The following SHC1 variants were observed in gnomAD, a reference collection of about 807,000 sequenced individuals.
SHC1 encodes the protein SHC-transforming protein 1.
Under a neutral mutation model 55.9 loss-of-function variants are expected in SHC1, and 30 were observed. The observed-to-expected ratio is 0.54, with a 90% CI of 0.40 to 0.73. The LOEUF (loss-of-function observed/expected upper bound fraction) is 0.73. SHC1 is among the 30% of genes least tolerant of loss of function. The pLI is 0.00. For synonymous variants in SHC1, 309 were observed against 306.1 expected (o/e 1.01, Z -0.10); for missense variants, 675 against 777.1 (o/e 0.87, Z 1.56).
rs751693826 is a variant in SHC1, at chr1:154,969,466, A to G, written c.496-18T>C. 6.3e-7 allele frequency: 1 copy of G among 1,583,022 alleles called. No homozygotes were observed. The highest frequency in any genetic ancestry group is 1.1e-5 in the South Asian group (1 of 89,592). ...CCCATGTACTAAGGGGAGGGAGAAG[A>G]GGACAGCAGGTCAGCGGCTCCCCCA... On this transcript the variant is annotated intron_variant, in intron 1 of 11. Coordinates refer to ENST00000448116, the MANE Select transcript of SHC1 (RefSeq NM_001130040.2).
At chr1:154,968,088 C>T (rs1571440171) in intron 5 of SHC1, 57 bp from the exon 6 acceptor site, 1 of 1,602,694 alleles carries the variant, frequency 6.2e-7, no homozygotes. Context: ...CCCCTAAAAC[C>T]CAGTCCTTTT....
chr1:154,965,680 G>A lies in SHC1; in HGVS notation c.1489C>T (p.Arg497Trp), dbSNP rs1399934813. Reference protein sequence around the residue: ...EPWFHGKLSRREAEALLQLNG... With the variant: ...EPWFHGKLSRWEAEALLQLNG... ...AGCTGCAGCAGTGCCTCAGCCTCCC[G>A]CCGGCTCAGCTTCCCATGGAACCAG... The change falls in exon 11 of 12, where the codon CGG becomes TGG. Residue 497 changes from arginine (R) to tryptophan (W), a missense_variant. Arg to Trp is a moderately radical substitution (Grantham distance 101). This residue lies in a region of SHC1 where 360 missense variants were observed against 371.1 expected (regional missense o/e 0.97). Coordinates refer to ENST00000448116, the MANE Select transcript of SHC1 (RefSeq NM_001130040.2). 1.2e-5 allele frequency: 19 copies of A among 1,614,016 alleles called. No individual in the cohort carries two copies. The highest frequency in any genetic ancestry group is 4.5e-5 in the East Asian group (2 of 44,896).
intron 2 of SHC1, 113 bp downstream of exon 2, chr1:154,969,265 A>G: frequency 1.4e-6 from 1 of 732,236 alleles, no homozygotes; most frequent in East Asian, 2.7e-5. Context: ...AATCCCCTTT[A>G]CTACGCAAAG....
At chr1:154,967,598 A>C (rs1656167295) in intron 7 of SHC1, 73 bp downstream of exon 7, 1 of 1,523,648 alleles carries the variant, frequency 6.6e-7, no homozygotes. Context: ...CTCTCAACTC[A>C]AGTGTAGGAA....
intron 5 of SHC1, 55 bp downstream of exon 5, chr1:154,968,149 C>G: frequency 6.3e-7 from 1 of 1,595,112 alleles, no homozygotes; most frequent in Non-Finnish European, 8.6e-7. Context: ...AATGTCTTCC[C>G]AATCCCTAGC....
In SHC1 at chr1:154,967,697, T is replaced by G; in HGVS notation, c.957A>C (p.Pro319=). The change falls in exon 7 of 12, where the codon CCA becomes CCC. Residue 319 remains proline, a synonymous_variant. Transcript: ENST00000448116. ...ELRFKQYLRN[P]PKLVTPHDRM... ...TGTCATGAGGGGTGACCAGTTTGGG[T>G]GGGTTCCTGAGGTATTGTTTGAAGC... is the stretch of plus-strand genomic sequence containing the variant. The G allele has an allele frequency of 6.2e-7, 1 of 1,613,452 alleles. No homozygotes were observed. The highest frequency in any genetic ancestry group is 8.5e-7 in the Non-Finnish European group (1 of 1,179,784).
Position 154,965,791 on chromosome 1 carries a change from T to C in SHC1, c.1388-10A>G, listed in dbSNP as rs745400947. On this transcript the variant is annotated splice_polypyrimidine_tract_variant and intron_variant, in intron 10 of 11. Transcript: ENST00000448116. ...GCATCTTCGAAGGGCTCTGGAAGTA[T>C]AGAGGGAGGGTGAGGGGAAGTAGCA... The C allele has an allele frequency of 5.0e-6, 8 of 1,605,836 alleles. No individual in the cohort carries two copies. The Admixed American group carries it at 6.7e-5, about 13-fold the overall frequency.
In SHC1 at chr1:154,970,502, T is replaced by C; in HGVS notation, c.25A>G (p.Lys9Glu). MDLLPPKP[K>E]YNPLRNESLS... is the part of the protein sequence containing the mutation. ...GACTCATTCCGGAGTGGATTGTACT[T>C]GGGCTTGGGGGGCAGGAGATCCATA... is the stretch of plus-strand genomic sequence containing the variant. Residue 9 changes from lysine to glutamate, a missense_variant, in exon 1 of 12, where the codon AAG becomes GAG. Physicochemically the swap from Lys to Glu is moderately conservative, Grantham distance 56. This residue lies in a region of SHC1 where 156 missense variants were observed against 159.1 expected (regional missense o/e 0.98). Coordinates refer to ENST00000448116, the MANE Select transcript of SHC1 (RefSeq NM_001130040.2). The surrounding 1 kb of genome is among the most constrained non-coding windows in gnomAD (Gnocchi z 5.5). The C allele has an allele frequency of 6.2e-7, 1 of 1,610,794 alleles. No homozygotes were observed. Among genetic ancestry groups the C allele is most frequent in the Non-Finnish European group, 8.5e-7 (1 of 1,178,958 alleles).
Position 154,962,539 on chromosome 1 carries a change from T to C in SHC1, c.*1264A>G, listed in dbSNP as rs1242464909. Reference sequence around the variant, plus strand: ...TTCCCCTCCATGAAACTGACAGGCATTCGGGCTGACTTCTGCCTCTCAGTC... The same window carrying C: ...TTCCCCTCCATGAAACTGACAGGCACTCGGGCTGACTTCTGCCTCTCAGTC... On this transcript the variant is annotated 3_prime_UTR_variant, in exon 12 of 12. Transcript: ENST00000448116. 6.6e-6 allele frequency: 1 copy of C among 152,384 alleles called. No individual in the cohort carries two copies. The highest frequency in any genetic ancestry group is 1.5e-5 in the Non-Finnish European group (1 of 68,016). 9.4% of individuals were successfully genotyped at this position (152,384 alleles called of 1,614,324 possible).
chr1:154,966,642 T>A lies in SHC1; in HGVS notation c.984-125A>T, dbSNP rs960356477. 6.2e-6 allele frequency: 4 copies of A among 641,496 alleles called. No homozygotes were observed. The African/African-American group carries it at 7.3e-5, about 12-fold the overall frequency. 39.7% of individuals were successfully genotyped at this position (641,496 alleles called of 1,614,324 possible). On this transcript the variant is annotated intron_variant, in intron 7 of 11. Coordinates refer to ENST00000448116, the MANE Select transcript of SHC1 (RefSeq NM_001130040.2). ...GGATTAAGCCTGAGGCTGAGTGTTTTATATACATAATCATTTCATTCTCCT... is the reference window on the plus strand; with the variant it reads ...GGATTAAGCCTGAGGCTGAGTGTTTAATATACATAATCATTTCATTCTCCT...
intron 1 of SHC1, among the ~76,000 whole-genome samples, chr1:154,969,683 G>A (rs1014644505): frequency 3.3e-5 from 5 of 152,176 alleles, no homozygotes; most frequent in African/African-American, 1.2e-4. Flanking sequence ...GGAGGGGACC[G>A]ACAGGCATTG....
chr1:154,966,586 G>T, intron 7 of SHC1, 69 bp from the exon 8 acceptor site: 1 of 1,061,912 alleles, frequency 9.4e-7, no homozygotes, highest in Non-Finnish European at 1.4e-6. Flanking sequence ...GGACAGAATA[G>T]AACAGCAGCC....
Position 154,966,227 on chromosome 1 carries a change from A to G in SHC1, c.1187T>C (p.Val396Ala), listed in dbSNP as rs1258111759. Residue 396 changes from valine (V) to alanine (A), a missense_variant, in exon 9 of 12, where the codon GTA (valine) becomes GCA (alanine). By Grantham distance (64) the Val-to-Ala change is moderately conservative. Around this residue, in one of 3 missense-constraint regions of SHC1, gnomAD observed 360 missense variants for 371.1 expected, o/e 0.97. Coordinates refer to ENST00000448116, the MANE Select transcript of SHC1 (RefSeq NM_001130040.2). ...TPSHLGATLP[V>A]GQPVGGDPEV... Reference sequence around the variant, plus strand: ...TGGATCTCCCCCAACAGGCTGTCCTACAGGCTGCAGGGATAAAAATAAGGT... The same window carrying G: ...TGGATCTCCCCCAACAGGCTGTCCTGCAGGCTGCAGGGATAAAAATAAGGT... 2 of 1,613,932 alleles carry G rather than the reference A, an allele frequency of 1.2e-6. No individual in the cohort carries two copies. The highest frequency in any genetic ancestry group is 1.3e-5 in the African/African-American group (1 of 74,888).
At chr1:154,965,467 G>A (rs536215206) in intron 11 of SHC1, 76 bp downstream of exon 11, 1 of 1,613,506 alleles carries the variant, frequency 6.2e-7, no homozygotes, top group South Asian at 1.1e-5. Flanking sequence ...AGCAATGAGG[G>A]AAGGAAGAGG....
At chr1:154,973,926 T>C (rs753600203), upstream of SHC1, among the ~76,000 whole-genome samples, 3 of 152,110 alleles carry the variant, frequency 2.0e-5, no homozygotes, top group South Asian at 2.1e-4. Context: ...ATAGGCCTTT[T>C]GACAGGAGTT....
At chr1:154,974,071 CAA>C (rs1322462214), upstream of SHC1, among the ~76,000 whole-genome samples, 1 of 150,500 alleles carries the variant, frequency 6.6e-6, no homozygotes, top group African/African-American at 2.4e-5. Flanking sequence ...GGGTCGGAGA[CAA>C]AAAATAAAAA....
rs757861390 is a variant in SHC1 at position 154,968,234 on chromosome 1, T to C, written c.774A>G (p.Gln258=). The change falls in exon 5 of 12, where the codon CAA becomes CAG. Residue 258 remains glutamine (Q), a synonymous_variant. Transcript: ENST00000448116. The part of the protein sequence containing the change: ...CKQIIANHHM[Q]SISFASGGDP... The stretch of plus-strand genomic sequence containing the variant: ...CCCCGCCGGATGCAAATGAGATAGA[T>C]TGCATGTGGTGGTTGGCGATGATCT... 16 of 1,613,996 alleles carry C rather than the reference T, an allele frequency of 9.9e-6. No individual in the cohort carries two copies. Among genetic ancestry groups the C allele is most frequent in the East Asian group, 4.5e-5 (2 of 44,892 alleles).
At chr1:154,967,874 G>A in intron 6 of SHC1, 77 bp from the exon 7 acceptor site, 1 of 1,603,600 alleles carries the variant, frequency 6.2e-7, no homozygotes, top group Non-Finnish European at 8.5e-7. Flanking sequence ...ATCTTCCTCT[G>A]CAGGAACCCC....
chr1:154,964,036 GA>G, intron 11 of SHC1, 105 bp from the exon 12 acceptor site: 13 of 1,205,282 alleles, frequency 1.1e-5, no homozygotes, highest in South Asian at 2.5e-5. Flanking sequence ...TGAAGGAGGA[GA>G]AAAAAATGGT....
Sources: allele counts gnomAD v4.1 joint callset (sites outside exome capture counted in the v4.1 genomes callset), GRCh38; gene constraint gnomAD v4.1.1; regional missense constraint gnomAD v4.1.1; non-coding constraint Gnocchi (gnomAD v3.1); transcripts MANE v1.5; gene names NCBI Gene and HGNC (gene_info 2026-07-23, HGNC 2026-07-21).